The following GRID2 variants were observed in gnomAD, a reference collection of about 807,000 sequenced individuals.
GRID2 encodes the protein glutamate receptor ionotropic, delta-2.
GRID2 carries 33 observed loss-of-function variants against 114.8 expected under a neutral mutation model. That is an observed-to-expected ratio of 0.29 (90% confidence interval 0.22 to 0.38). GRID2 has a LOEUF of 0.38. Among genes scored for constraint, GRID2 ranks in the 10% least tolerant of loss-of-function variants. The pLI, the probability that GRID2 is intolerant of heterozygous loss-of-function variation, is 1.00. For missense variants in GRID2, 1,184 were observed against 1,257.7 expected (o/e 0.94, Z 0.89); for synonymous variants, 505 against 449.9 (o/e 1.12, Z -1.55).
At chr4:93,232,310 G>A (rs994786084) in intron 7 of GRID2, among the ~76,000 whole-genome samples, 1 of 152,062 alleles carries the variant, frequency 6.6e-6, no homozygotes, top group South Asian at 2.1e-4. Flanking sequence ...ATATTAGTAA[G>A]TGAACTAAAA....
At chr4:92,753,104 G>A (rs903659352) in intron 2 of GRID2, among the ~76,000 whole-genome samples, 1 of 152,106 alleles carries the variant, frequency 6.6e-6, no homozygotes, top group African/African-American at 2.4e-5. Flanking sequence ...TATTACAAAT[G>A]TAAGTAATAC....
At chr4:93,230,520 A>G (rs1346722966) in intron 7 of GRID2, among the ~76,000 whole-genome samples, 1 of 152,146 alleles carries the variant, frequency 6.6e-6, no homozygotes, top group Non-Finnish European at 1.5e-5. Flanking sequence ...AGTTGTTTTT[A>G]TTAGTAACTT....
At chr4:93,337,744 G>A (rs955960070) in intron 8 of GRID2, among the ~76,000 whole-genome samples, 1 of 152,100 alleles carries the variant, frequency 6.6e-6, no homozygotes, top group African/African-American at 2.4e-5. Context: ...AAAACTTGTG[G>A]CCGGACAAAT....
At chr4:93,715,529 C>A (rs968998322) in intron 14 of GRID2, among the ~76,000 whole-genome samples, 17 of 152,092 alleles carry the variant, frequency 1.1e-4, no homozygotes, top group Non-Finnish European at 2.1e-4. Context: ...GGCAGTGTGG[C>A]CATTTTCACA....
At chr4:93,355,928 T>C (rs1195061759) in intron 8 of GRID2, among the ~76,000 whole-genome samples, 2 of 152,022 alleles carry the variant, frequency 1.3e-5, no homozygotes, top group Non-Finnish European at 2.9e-5. Flanking sequence ...GTTTGTCTCT[T>C]ACTCTCAAAA....
chr4:92,636,765 C>T (rs1731084741), intron 2 of GRID2, among the ~76,000 whole-genome samples: 1 of 152,014 alleles, frequency 6.6e-6, no homozygotes. Flanking sequence ...AGGACAGGTG[C>T]AAATTTGACT....
At chr4:92,336,310 C>A (rs1033733702) in intron 1 of GRID2, among the ~76,000 whole-genome samples, 1 of 152,152 alleles carries the variant, frequency 6.6e-6, no homozygotes, top group African/African-American at 2.4e-5. Context: ...GTTGGGAAAG[C>A]CAGATCCCTA....
At chr4:93,795,370 TA>T (rs1329040642) in intron 1 of GRID2, among the ~76,000 whole-genome samples, 2 of 151,882 alleles carry the variant, frequency 1.3e-5, no homozygotes, top group Non-Finnish European at 2.9e-5. Context: ...TATATTATTT[TA>T]AAAAGGAATC....
chr4:92,760,419 C>A lies in GRID2; in HGVS notation c.244+170133C>A, dbSNP rs1293306399. Reference sequence around the variant, plus strand: ...TGGGGAAATGCTTTGGTTGAAGATACCAACACCCTTTCACTGAGCAGGTCA... The same window carrying A: ...TGGGGAAATGCTTTGGTTGAAGATAACAACACCCTTTCACTGAGCAGGTCA... On this transcript the variant is annotated intron_variant, in intron 2 of 15. Coordinates refer to ENST00000282020, the MANE Select transcript of GRID2 (RefSeq NM_001510.4). Among the ~76,000 whole-genome samples the A allele has an allele frequency of 2.0e-5, 3 of 151,976 alleles. No individual in the cohort carries two copies. In the East Asian group the frequency reaches 5.8e-4, roughly 29 times the overall value.
intron 2 of GRID2, among the ~76,000 whole-genome samples, chr4:92,896,455 C>A (rs1202931921): frequency 6.6e-6 from 1 of 151,910 alleles, no homozygotes; most frequent in Non-Finnish European, 1.5e-5. Context: ...GGCCCTTATT[C>A]AAATAATTTT....
rs142756285 is a variant in GRID2, at chr4:92,420,652, A to T, written c.88+115908A>T. ...ATAACTTTTCAAATAGATGAAGCAG[A>T]CATGGACATCACCCACACTGAAATG... On this transcript the variant is annotated intron_variant, in intron 1 of 15. Transcript: ENST00000282020. Among the ~76,000 whole-genome samples the T allele has an allele frequency of 3.2e-3, 484 of 152,252 alleles. 4 individuals carry two copies. The highest frequency in any genetic ancestry group is 0.011 in the African/African-American group (447 of 41,554).
chr4:93,688,346 C>T (rs1283083735), intron 14 of GRID2, among the ~76,000 whole-genome samples: 1 of 151,912 alleles, frequency 6.6e-6, no homozygotes, highest in Non-Finnish European at 1.5e-5. Flanking sequence ...TATAGCCTCA[C>T]TGCTACTTGA....
chr4:92,342,059 A>G (rs1191090719), intron 1 of GRID2, among the ~76,000 whole-genome samples: 1 of 152,164 alleles, frequency 6.6e-6, no homozygotes, highest in Non-Finnish European at 1.5e-5. Flanking sequence ...TTATTGTACT[A>G]CTGCGCTGGG....
chr4:93,035,563 C>G (rs1486800424), intron 2 of GRID2, among the ~76,000 whole-genome samples: 2 of 152,088 alleles, frequency 1.3e-5, no homozygotes, highest in Non-Finnish European at 2.9e-5. Flanking sequence ...TCCTCTAGTT[C>G]TAGGTCAGGG....
At chr4:92,565,858 A>G (rs1339885878) in intron 1 of GRID2, among the ~76,000 whole-genome samples, 2 of 152,098 alleles carry the variant, frequency 1.3e-5, no homozygotes, top group African/African-American at 4.8e-5. Flanking sequence ...CTGTGTAACA[A>G]ATTACCACAA....
chr4:93,787,521 C>T (rs1465965346), intron 1 of GRID2, among the ~76,000 whole-genome samples: 1 of 152,106 alleles, frequency 6.6e-6, no homozygotes, highest in Non-Finnish European at 1.5e-5. Context: ...AAGTTGAGAT[C>T]CTTTCCCCTA....
chr4:93,409,865 A>G (rs1766933306), intron 9 of GRID2, among the ~76,000 whole-genome samples: 1 of 152,228 alleles, frequency 6.6e-6, no homozygotes, highest in South Asian at 2.1e-4. Context: ...AGATTAAACA[A>G]TGAGTAAATA....
At chr4:92,995,864 T>G (rs1755165829) in intron 2 of GRID2, among the ~76,000 whole-genome samples, 1 of 152,200 alleles carries the variant, frequency 6.6e-6, no homozygotes, top group Non-Finnish European at 1.5e-5. Flanking sequence ...CCTATCTTTT[T>G]GATTTCTTGG....
Position 93,736,004 on chromosome 4 carries a change from G to A in GRID2, c.2361-33206G>A, listed in dbSNP as rs145423404. Reference sequence around the variant, plus strand: ...AAAGAGGATACTGGGAAAGAGGAAAGGAGGAAAAGTCACTTTGTAATTTAG... The same window carrying A: ...AAAGAGGATACTGGGAAAGAGGAAAAGAGGAAAAGTCACTTTGTAATTTAG... On this transcript the variant is annotated intron_variant, in intron 14 of 15. Coordinates refer to ENST00000282020, the MANE Select transcript of GRID2 (RefSeq NM_001510.4). 5.3e-3 allele frequency among the ~76,000 whole-genome samples: 808 copies of A among 152,038 alleles called. 7 individuals carry two copies. The highest frequency in any genetic ancestry group is 0.018 in the African/African-American group (765 of 41,534).
Sources: allele counts gnomAD v4.1 joint callset (sites outside exome capture counted in the v4.1 genomes callset), GRCh38; gene constraint gnomAD v4.1.1; transcripts MANE v1.5; gene names NCBI Gene and HGNC (gene_info 2026-07-23, HGNC 2026-07-21).